The following FBN1 variants were observed in gnomAD, a reference collection of about 807,000 sequenced individuals.
FBN1 encodes the protein fibrillin 1, also known as fibrillin-1.
Under a neutral mutation model 365.1 loss-of-function variants are expected in FBN1, and 29 were observed. The ratio of observed to expected loss-of-function variants is 0.08; its 90% confidence interval spans 0.06 to 0.11. The LOEUF (loss-of-function observed/expected upper bound fraction) is 0.11, where lower values mean the gene tolerates loss of function less well. Among genes scored for constraint, FBN1 ranks in the 10% least tolerant of loss-of-function variants. The pLI, the probability that FBN1 is intolerant of heterozygous loss-of-function variation, is 1.00. For missense variants in FBN1, 2,476 were observed against 3,703.2 expected (o/e 0.67, Z 8.60); for synonymous variants, 1,210 against 1,270.5 (o/e 0.95, Z 1.01).
intron 63 of FBN1, 35 bp downstream of exon 63, chr15:48,420,652 G>C (rs2042933050): frequency 6.2e-7 from 1 of 1,613,152 alleles, no homozygotes; most frequent in Non-Finnish European, 8.5e-7. Context: ...GGACCTGATA[G>C]CCATGCATCT....
In FBN1 at chr15:48,474,663, G is replaced by T. The variant is rs770043685; in HGVS notation, c.3965-13C>A. 1.9e-6 allele frequency: 3 copies of T among 1,613,866 alleles called. No individual in the cohort carries two copies. The South Asian group carries it at 3.3e-5, about 18-fold the overall frequency. ...CATTCATTGATGTCTGGAAAAATGA[G>T]CAGTGATTTAGAAAAAGGCTCAGCA... On this transcript the variant is annotated splice_polypyrimidine_tract_variant and intron_variant, in intron 32 of 65. Transcript: ENST00000316623.
At chr15:48,541,148 C>T (rs1166909761) in intron 6 of FBN1, among the ~76,000 whole-genome samples, 1 of 151,156 alleles carries the variant, frequency 6.6e-6, no homozygotes. Flanking sequence ...GGGTCAATAA[C>T]GTATTATTCT....
chr15:48,625,559 G>A (rs1597641073), intron 2 of FBN1, among the ~76,000 whole-genome samples: 1 of 152,278 alleles, frequency 6.6e-6, no homozygotes, highest in Non-Finnish European at 1.5e-5. Context: ...GACATCCACA[G>A]GTCCATGAAT....
chr15:48,494,159 C>A (rs764769285), intron 23 of FBN1, 45 bp downstream of exon 23: 1 of 1,466,390 alleles, frequency 6.8e-7, no homozygotes. Flanking sequence ...CACAAACATT[C>A]ATTATGCACA....
intron 6 of FBN1, among the ~76,000 whole-genome samples, chr15:48,591,124 TA>T (rs2044473374): frequency 6.6e-6 from 1 of 152,232 alleles, no homozygotes; most frequent in African/African-American, 2.4e-5. Flanking sequence ...ATTAAAACAT[TA>T]AACCAATTCC....
At chr15:48,594,276 G>A (rs1004419426) in intron 6 of FBN1, among the ~76,000 whole-genome samples, 3 of 152,140 alleles carry the variant, frequency 2.0e-5, no homozygotes, top group African/African-American at 7.2e-5. Flanking sequence ...GACTGTACCC[G>A]TGGGTAAAAC....
At chr15:48,581,029 A>AT (rs1210885612) in intron 6 of FBN1, among the ~76,000 whole-genome samples, 1 of 152,172 alleles carries the variant, frequency 6.6e-6, no homozygotes, top group East Asian at 1.9e-4. Context: ...TCAGAACATC[A>AT]TCACAGCAAT....
chr15:48,583,444 C>T (rs2044411545), intron 6 of FBN1, among the ~76,000 whole-genome samples: 1 of 152,160 alleles, frequency 6.6e-6, no homozygotes, highest in Non-Finnish European at 1.5e-5. Context: ...TCCCCCACTC[C>T]CATCCAACCT....
intron 47 of FBN1, among the ~76,000 whole-genome samples, chr15:48,446,482 G>C (rs1480294116): frequency 2.0e-5 from 3 of 152,160 alleles, no homozygotes; most frequent in South Asian, 4.1e-4. Flanking sequence ...TGTGGTTTCA[G>C]GCATCTGCTG....
chr15:48,433,008 G>C lies in FBN1; in HGVS notation c.6617-20C>G, dbSNP rs774413601. 2 of 1,612,512 alleles carry C rather than the reference G, an allele frequency of 1.2e-6. No homozygotes were observed. Among genetic ancestry groups the C allele is most frequent in the East Asian group, 4.5e-5 (2 of 44,878 alleles). ...TTATATCTGCAGCAGAGGAGAGTAA[G>C]TAAATAAGGGATCATGGACAGCAAC... On this transcript the variant is annotated intron_variant, in intron 54 of 65. Transcript: ENST00000316623.
chr15:48,627,065 A>G (rs1889898788), intron 2 of FBN1, among the ~76,000 whole-genome samples: 1 of 152,246 alleles, frequency 6.6e-6, no homozygotes, highest in African/African-American at 2.4e-5. Flanking sequence ...TATTAATAAC[A>G]TTCCAAGGTT....
chr15:48,516,382 C>T lies in FBN1; in HGVS notation c.1148-20G>A. ...AATCCTCTAGAAAAACACAACAAAA[C>T]AAAACACAACAGCTGAGCTGTAGCT... On this transcript the variant is annotated intron_variant, in intron 10 of 65. Coordinates refer to ENST00000316623, the MANE Select transcript of FBN1 (RefSeq NM_000138.5). 1 of 1,611,838 alleles carries T rather than the reference C, an allele frequency of 6.2e-7. No homozygotes were observed. Among genetic ancestry groups the T allele is most frequent in the South Asian group, 1.1e-5 (1 of 91,046 alleles).
At chr15:48,519,015 C>T (rs1357194201) in intron 10 of FBN1, among the ~76,000 whole-genome samples, 1 of 152,188 alleles carries the variant, frequency 6.6e-6, no homozygotes, top group Admixed American at 6.5e-5. Flanking sequence ...TTCCTGCAGG[C>T]ACCTAAACCT....
In FBN1 at chr15:48,474,633, T is replaced by A; in HGVS notation, c.3982A>T (p.Ile1328Phe). ...TGCTDINECE[I>F]GAHNCGKHAV... ...TGTTTGCCACAGTTGTGTGCTCCAATTTCACATTCATTGATGTCTGGAAAA... is the reference window on the plus strand; with the variant it reads ...TGTTTGCCACAGTTGTGTGCTCCAAATTCACATTCATTGATGTCTGGAAAA... Residue 1328 changes from isoleucine to phenylalanine, a missense_variant, in exon 33 of 66, where the codon ATT (isoleucine) becomes TTT (phenylalanine). Ile to Phe is a conservative substitution (Grantham distance 21). This residue lies in a region of FBN1 where 1,780 missense variants were observed against 2,840.8 expected (regional missense o/e 0.63). Transcript: ENST00000316623. 1.2e-6 allele frequency: 2 copies of A among 1,614,164 alleles called. No individual in the cohort carries two copies. Among genetic ancestry groups the A allele is most frequent in the Non-Finnish European group, 1.7e-6 (2 of 1,180,014 alleles).
intron 41 of FBN1, 24 bp downstream of exon 41, chr15:48,463,875 T>C (rs2043299784): frequency 4.4e-6 from 7 of 1,595,854 alleles, no homozygotes; most frequent in Non-Finnish European, 6.0e-6. Flanking sequence ...CAAACATGCA[T>C]TACTGAGAAA....
At chr15:48,513,053 A>G (rs182290804) in intron 13 of FBN1, among the ~76,000 whole-genome samples, 2 of 152,316 alleles carry the variant, frequency 1.3e-5, no homozygotes, top group Admixed American at 1.3e-4. Flanking sequence ...GTTAAAATAT[A>G]GATTCTGCAA....
intron 44 of FBN1, among the ~76,000 whole-genome samples, chr15:48,453,322 GA>G (rs1352647980): frequency 1.4e-4 from 19 of 133,222 alleles, no homozygotes; most frequent in Admixed American, 5.4e-4. Context: ...AAAAAAAAAG[GA>G]AAAAAAAAGG....
intron 32 of FBN1, among the ~76,000 whole-genome samples, chr15:48,479,015 C>G (rs1399372370): frequency 6.6e-6 from 1 of 152,144 alleles, no homozygotes; most frequent in Non-Finnish European, 1.5e-5. Flanking sequence ...AAACAATAAT[C>G]TATCTAAATA....
chr15:48,579,058 C>T (rs545157105), intron 6 of FBN1, among the ~76,000 whole-genome samples: 1 of 151,206 alleles, frequency 6.6e-6, no homozygotes, highest in Admixed American at 6.6e-5. Context: ...AAATGCATCT[C>T]CAACTTGTTA....
Sources: allele counts gnomAD v4.1 joint callset (sites outside exome capture counted in the v4.1 genomes callset), GRCh38; gene constraint gnomAD v4.1.1; regional missense constraint gnomAD v4.1.1; transcripts MANE v1.5; gene names NCBI Gene and HGNC (gene_info 2026-07-23, HGNC 2026-07-21).